The following PPP1R16B variants were observed in gnomAD, a reference collection of about 807,000 sequenced individuals.
PPP1R16B encodes the protein protein phosphatase 1 regulatory subunit 16B.
In PPP1R16B, 14 loss-of-function variants were observed where a neutral mutation model predicts 61.7. The ratio of observed to expected loss-of-function variants is 0.23; its 90% CI spans 0.15 to 0.35. The LOEUF is 0.35. Ranked by LOEUF, PPP1R16B falls within the 10% of genes least tolerant of loss-of-function variation. The pLI is 1.00. For synonymous variants in PPP1R16B, 266 were observed against 305.3 expected (o/e 0.87, Z 1.34); for missense variants, 547 against 752.5 (o/e 0.73, Z 3.19).
intron 2 of PPP1R16B, among the ~76,000 whole-genome samples, chr20:38,841,391 G>C (rs2084908349): frequency 6.7e-6 from 1 of 148,596 alleles, no homozygotes; most frequent in African/African-American, 2.5e-5. Context: ...AGCCAGCCGT[G>C]GTGGCACTTG....
intron 2 of PPP1R16B, among the ~76,000 whole-genome samples, chr20:38,839,870 A>G (rs1224353690): frequency 1.3e-5 from 2 of 152,306 alleles, no homozygotes; most frequent in South Asian, 2.1e-4. Context: ...TGCCACAGTG[A>G]ATGTTTTATT....
chr20:38,888,498 G>A (rs547989381), intron 2 of PPP1R16B, among the ~76,000 whole-genome samples: 72 of 152,286 alleles, frequency 4.7e-4, no homozygotes, highest in African/African-American at 1.6e-3. Flanking sequence ...AAGCAGGCTC[G>A]GAGTCATTTG....
At chr20:38,893,369 C>G (rs1258918586) in intron 3 of PPP1R16B, among the ~76,000 whole-genome samples, 1 of 152,106 alleles carries the variant, frequency 6.6e-6, no homozygotes, top group Non-Finnish European at 1.5e-5. Flanking sequence ...CTTCTCTTGG[C>G]AACAGGGAGC....
intron 3 of PPP1R16B, among the ~76,000 whole-genome samples, chr20:38,894,592 G>A (rs529689265): frequency 2.0e-5 from 3 of 152,300 alleles, no homozygotes; most frequent in East Asian, 1.9e-4. Context: ...TGATGACCAA[G>A]CCCCAAGCCC....
At chr20:38,836,283 C>G in intron 2 of PPP1R16B, 108 bp downstream of exon 2, 2 of 1,455,480 alleles carry the variant, frequency 1.4e-6, no homozygotes, top group Non-Finnish European at 1.8e-6. Context: ...GTCTGCAGAC[C>G]CACTTCCAAG....
chr20:38,832,935 ATG>A (rs1171308825), intron 1 of PPP1R16B, among the ~76,000 whole-genome samples: 1 of 151,922 alleles, frequency 6.6e-6, no homozygotes, highest in Non-Finnish European at 1.5e-5. Flanking sequence ...AAAAAAGTAA[ATG>A]TGCAATTACC....
In PPP1R16B at chr20:38,902,784, G is replaced by A. The variant is rs918589174; in HGVS notation, c.688G>A (p.Ala230Thr). 2 of 1,614,212 alleles carry A rather than the reference G, an allele frequency of 1.2e-6. No individual in the cohort carries two copies. Among genetic ancestry groups the A allele is most frequent in the Admixed American group, 3.3e-5 (2 of 60,028 alleles). ...QDLDWIDAQG[A>T]TLLHIAGANG... ...CCTGGACTGGATAGATGCCCAGGGT[G>A]CCACACTGGTGAGGAGATGGGCCAG... The change falls in exon 6 of 11, where the codon GCC becomes ACC. Residue 230 changes from alanine (A) to threonine (T), a missense_variant. Transcript: ENST00000299824.
At chr20:38,836,604 C>G (rs1284507660) in intron 2 of PPP1R16B, among the ~76,000 whole-genome samples, 1 of 152,150 alleles carries the variant, frequency 6.6e-6, no homozygotes, top group African/African-American at 2.4e-5. Context: ...GTGATCTGCC[C>G]GCCATTGGTC....
chr20:38,822,122 G>T (rs2084777200), intron 1 of PPP1R16B, among the ~76,000 whole-genome samples: 1 of 151,196 alleles, frequency 6.6e-6, no homozygotes, highest in African/African-American at 2.4e-5. Flanking sequence ...TTCTTGGGTG[G>T]ACAACATCTG....
At chr20:38,899,947 C>G (rs563939533) in intron 4 of PPP1R16B, among the ~76,000 whole-genome samples, 2 of 152,126 alleles carry the variant, frequency 1.3e-5, no homozygotes, top group Non-Finnish European at 2.9e-5. Context: ...TAGGCTCCCA[C>G]ACCACGCCCC....
rs1396591983 is a variant in PPP1R16B at position 38,919,320 on chromosome 20, A to T, written c.*654A>T. 2 of 152,366 alleles carry T rather than the reference A, an allele frequency of 1.3e-5. No individual in the cohort carries two copies. The highest frequency in any genetic ancestry group is 4.8e-5 in the African/African-American group (2 of 41,406). 9.4% of individuals were successfully genotyped at this position (152,366 alleles called of 1,614,324 possible). A position where few individuals can be genotyped will look rare whatever the true frequency, so the allele number is the denominator to read the frequency against. Reference sequence around the variant, plus strand: ...ACATGGGTAGATGAGATAGACACAGACCTGCTCCCCGCAGCCTTGTTGAGA... The same window carrying T: ...ACATGGGTAGATGAGATAGACACAGTCCTGCTCCCCGCAGCCTTGTTGAGA... On this transcript the variant is annotated 3_prime_UTR_variant, in exon 11 of 11. Transcript: ENST00000299824.
In PPP1R16B at chr20:38,908,054, C is replaced by T. The variant is rs764537147; in HGVS notation, c.1055C>T (p.Ser352Leu). The change falls in exon 10 of 11, where the codon TCG (serine) becomes TTG (leucine). Residue 352 changes from serine (S) to leucine (L), a missense_variant. Transcript: ENST00000299824. ...RGKVVRRASL[S>L]DRTNLYRKEY... ...AAGGTGGTGCGGCGAGCCAGCCTGT[C>T]GGACAGGACCAACCTGTATAGGAAG... The T allele has an allele frequency of 1.8e-5, 29 of 1,614,062 alleles. No individual in the cohort carries two copies. The highest frequency in any genetic ancestry group is 1.1e-4 in the East Asian group (5 of 44,896).
At chr20:38,877,304 T>C (rs1050736638) in intron 2 of PPP1R16B, among the ~76,000 whole-genome samples, 2 of 152,044 alleles carry the variant, frequency 1.3e-5, no homozygotes, top group African/African-American at 2.4e-5. Context: ...TTCTGACTTA[T>C]ATACTAACTT....
At chr20:38,898,781 G>C (rs1355237784) in intron 4 of PPP1R16B, among the ~76,000 whole-genome samples, 2 of 152,002 alleles carry the variant, frequency 1.3e-5, no homozygotes, top group Non-Finnish European at 2.9e-5. Context: ...CTGCACACCA[G>C]CCTGGGTGAT....
intron 1 of PPP1R16B, among the ~76,000 whole-genome samples, chr20:38,818,254 G>A (rs577579198): frequency 1.4e-4 from 22 of 152,274 alleles, no homozygotes; most frequent in African/African-American, 5.3e-4. Flanking sequence ...CTCATTGCGG[G>A]GATTAAAGTC....
At chr20:38,900,325 G>C (rs1160927813) in intron 4 of PPP1R16B, among the ~76,000 whole-genome samples, 1 of 152,186 alleles carries the variant, frequency 6.6e-6, no homozygotes, top group Non-Finnish European at 1.5e-5. Flanking sequence ...AGAGTGAAAG[G>C]CTTAGGGAGG....
At chr20:38,819,587 A>T (rs747137998) in intron 1 of PPP1R16B, among the ~76,000 whole-genome samples, 7 of 152,222 alleles carry the variant, frequency 4.6e-5, no homozygotes, top group Non-Finnish European at 8.8e-5. Context: ...TACCAAAAAC[A>T]TCCTGCTTTC....
At chr20:38,893,408 A>G (rs2085306148) in intron 3 of PPP1R16B, among the ~76,000 whole-genome samples, 1 of 152,198 alleles carries the variant, frequency 6.6e-6, no homozygotes, top group Non-Finnish European at 1.5e-5. Context: ...GGAGAGCAAC[A>G]TGATTAGATT....
intron 2 of PPP1R16B, among the ~76,000 whole-genome samples, chr20:38,887,928 G>A (rs1249203301): frequency 2.0e-5 from 3 of 152,190 alleles, no homozygotes; most frequent in Non-Finnish European, 2.9e-5. Context: ...GAGCTGAGGG[G>A]CTGTACCCCC....
Sources: gnomAD v4.1 joint callset for allele counts (sites outside exome capture counted in the v4.1 genomes callset) on GRCh38, gnomAD v4.1.1 for gene constraint, MANE v1.5 for transcripts, NCBI Gene and HGNC (gene_info 2026-07-23, HGNC 2026-07-21) for gene names.